The following ANKFN1 variants were observed in gnomAD, a reference collection of about 807,000 sequenced individuals.
ANKFN1 encodes the protein ankyrin repeat and fibronectin type III domain containing 1, also known as ankyrin repeat and fibronectin type-III domain-containing protein 1.
ANKFN1 carries 74 observed loss-of-function variants against 108.7 expected under a neutral mutation model. The observed-to-expected ratio is 0.68, with a 90% CI of 0.56 to 0.83. The LOEUF (loss-of-function observed/expected upper bound fraction) is 0.83, where lower values mean the gene tolerates loss of function less well. Ranked by LOEUF, ANKFN1 falls within the 40% of genes least tolerant of loss-of-function variation. The pLI is 0.00. For missense variants in ANKFN1, 1,505 were observed against 1,382.3 expected, an observed-to-expected ratio of 1.09 and a Z score of -1.41; for synonymous variants, 547 against 516.2, an observed-to-expected ratio of 1.06 and a Z score of -0.81.
intron 15 of ANKFN1, among the ~76,000 whole-genome samples, chr17:56,476,841 A>T (rs2050517008): frequency 6.6e-6 from 1 of 152,218 alleles, no homozygotes; most frequent in African/African-American, 2.4e-5. Context: ...CATACAATTT[A>T]ATTTTAAAAA....
rs1311296577 is a variant in ANKFN1 at position 56,326,287 on chromosome 17, T to C, written c.120T>C (p.Asp40=). The C allele has an allele frequency of 1.2e-6, 2 of 1,613,926 alleles. No homozygotes were observed. Among genetic ancestry groups the C allele is most frequent in the Non-Finnish European group, 1.7e-6 (2 of 1,179,918 alleles). ...LSHRRKQSQC[D]LLNESTGQLP... is the part of the protein sequence containing the mutation. ...ACAGGAGAAAGCAAAGCCAATGTGA[T>C]TTATTGAATGAAAGCACTGGACAAT... Residue 40 remains aspartate, a synonymous_variant, in exon 4 of 21, where the codon GAT becomes GAC. Transcript: ENST00000682825.
intron 1 of ANKFN1, among the ~76,000 whole-genome samples, chr17:56,154,593 T>C (rs1908913539): frequency 6.6e-6 from 1 of 150,854 alleles, no homozygotes; most frequent in East Asian, 2.0e-4. Context: ...AAGTACTTGC[T>C]GAGTTTAAAC....
intron 11 of ANKFN1, among the ~76,000 whole-genome samples, chr17:56,449,909 C>T (rs2049426150): frequency 6.6e-6 from 1 of 152,148 alleles, no homozygotes. Flanking sequence ...AGACTTTCAC[C>T]AGCTACACCC....
chr17:56,273,391 A>G (rs1009728275), intron 3 of ANKFN1, among the ~76,000 whole-genome samples: 3 of 152,188 alleles, frequency 2.0e-5, no homozygotes, highest in South Asian at 4.1e-4. Flanking sequence ...TATTATAAAT[A>G]ATGTGCTGAC....
intron 3 of ANKFN1, among the ~76,000 whole-genome samples, chr17:56,240,615 T>TC (rs1055566984): frequency 2.6e-5 from 4 of 152,088 alleles, no homozygotes; most frequent in Non-Finnish European, 5.9e-5. Flanking sequence ...CAAATTACCC[T>TC]CCTAGGGTTG....
At chr17:56,176,803 G>T (rs191244747) in intron 1 of ANKFN1, among the ~76,000 whole-genome samples, 1 of 152,298 alleles carries the variant, frequency 6.6e-6, no homozygotes, top group Non-Finnish European at 1.5e-5. Flanking sequence ...GAACACTCCA[G>T]CTTATGTTCT....
chr17:56,485,497 T>C (rs2050826306), intron 18 of ANKFN1, among the ~76,000 whole-genome samples: 1 of 152,206 alleles, frequency 6.6e-6, no homozygotes, highest in African/African-American at 2.4e-5. Flanking sequence ...CAGAGAGTCA[T>C]GGGAGCTAGA....
intron 4 of ANKFN1, among the ~76,000 whole-genome samples, chr17:56,133,370 G>A (rs1278665137): frequency 6.6e-6 from 1 of 152,174 alleles, no homozygotes; most frequent in East Asian, 1.9e-4. Context: ...ATCAACTTCA[G>A]CATGGATGAC....
chr17:56,389,661 C>A (rs1484378620), intron 8 of ANKFN1, among the ~76,000 whole-genome samples: 1 of 152,198 alleles, frequency 6.6e-6, no homozygotes, highest in Non-Finnish European at 1.5e-5. Context: ...TAGAGACAAA[C>A]ACAAAACTAA....
intron 15 of ANKFN1, among the ~76,000 whole-genome samples, chr17:56,470,073 A>G (rs544855269): frequency 6.6e-6 from 1 of 152,316 alleles, no homozygotes; most frequent in Non-Finnish European, 1.5e-5. Flanking sequence ...TTTGCTGAGG[A>G]TAGTAGCTTC....
intron 3 of ANKFN1, among the ~76,000 whole-genome samples, chr17:56,256,401 T>TC (rs1343115470): frequency 6.6e-6 from 1 of 152,214 alleles, no homozygotes; most frequent in Non-Finnish European, 1.5e-5. Context: ...TTCTCTGTCC[T>TC]CATAAAAGGA....
intron 1 of ANKFN1, among the ~76,000 whole-genome samples, chr17:56,170,807 T>TATATATATATATATATATACAC (rs1361307404): frequency 1.6e-5 from 1 of 61,450 alleles, no homozygotes; most frequent in Non-Finnish European, 2.8e-5. Flanking sequence ...TATATATATA[T>TATATATATATATATATATACAC]ACACACACAC....
upstream of ANKFN1, among the ~76,000 whole-genome samples, chr17:56,149,758 C>A (rs1276088196): frequency 6.6e-6 from 1 of 152,198 alleles, no homozygotes; most frequent in East Asian, 1.9e-4. Flanking sequence ...TGTGCTGAGC[C>A]ACACATGTGT....
At chr17:56,205,708 C>T (rs190300396) in intron 1 of ANKFN1, among the ~76,000 whole-genome samples, 59 of 152,082 alleles carry the variant, frequency 3.9e-4, no homozygotes, top group Admixed American at 1.0e-3. Context: ...TTCATTAAGT[C>T]ATTCTCAACT....
intron 4 of ANKFN1, among the ~76,000 whole-genome samples, chr17:56,093,210 T>C (rs1048297928): frequency 6.6e-6 from 1 of 150,940 alleles, no homozygotes; most frequent in Non-Finnish European, 1.5e-5. Flanking sequence ...GACCAAGACC[T>C]GTCATGATGG....
intron 11 of ANKFN1, among the ~76,000 whole-genome samples, chr17:56,451,041 T>A (rs1053873497): frequency 3.9e-5 from 6 of 152,188 alleles, no homozygotes; most frequent in African/African-American, 1.2e-4. Context: ...ATATTTTATA[T>A]GAAATATACT....
At position 56,078,280 on chromosome 17, in the gene ANKFN1, C is replaced by T. The variant is rs572308601; in HGVS notation, c.288+31955C>T. The stretch of plus-strand genomic sequence containing the variant: ...TTTCCTTTCTGGGCTTCCTTCTTCC[C>T]TTTCTTGAAGCCCTGGTCACCTTGG... On this transcript the variant is annotated intron_variant, in intron 4 of 12. Transcript: ENST00000635860. 5.3e-5 allele frequency among the ~76,000 whole-genome samples: 8 copies of T among 152,296 alleles called. No homozygotes were observed. In the South Asian group the frequency reaches 1.7e-3, roughly 32 times the overall value.
intron 4 of ANKFN1, among the ~76,000 whole-genome samples, chr17:56,076,089 A>G (rs1477901675): frequency 6.6e-6 from 1 of 152,208 alleles, no homozygotes; most frequent in Non-Finnish European, 1.5e-5. Flanking sequence ...TGGAAAGGTC[A>G]TTCAGTCTGA....
chr17:56,238,768 T>A (rs1171002055), intron 3 of ANKFN1, among the ~76,000 whole-genome samples: 1 of 152,184 alleles, frequency 6.6e-6, no homozygotes, highest in Non-Finnish European at 1.5e-5. Context: ...TAATTTAATT[T>A]GTAACAATTA....
Sources: allele counts gnomAD v4.1 joint callset (sites outside exome capture counted in the v4.1 genomes callset), GRCh38; gene constraint gnomAD v4.1.1; transcripts MANE v1.5; gene names NCBI Gene and HGNC (gene_info 2026-07-23, HGNC 2026-07-21).